Variants in TBC1D19 observed in about 807,000 individuals in gnomAD.
TBC1D19 encodes TBC1 domain family, member 19.
A neutral mutation model predicts 89.0 loss-of-function variants in TBC1D19; 60 were observed. The observed-to-expected ratio is 0.67, with a 90% CI of 0.55 to 0.84. The LOEUF (loss-of-function observed/expected upper bound fraction) is 0.84. TBC1D19 is among the 40% of genes least tolerant of loss of function. The pLI is 0.00. For missense variants in TBC1D19, 500 were observed against 610.8 expected, an observed-to-expected ratio of 0.82 and a Z score of 1.91; for synonymous variants, 189 against 199.7, an observed-to-expected ratio of 0.95 and a Z score of 0.45.
chr4:26,726,126 AACACACACACAC>A (rs56262902), intron 15 of TBC1D19, among the ~76,000 whole-genome samples: 7,394 of 127,150 alleles, frequency 0.058, 233 homozygotes, highest in East Asian at 0.098. Context: ...CAATTCTCCC[AACACACACACAC>A]ACACACACAC....
At chr4:26,833,915 TG>T in the TBC1D19 span, among the ~76,000 whole-genome samples, 1 of 152,220 alleles carries the variant, frequency 6.6e-6, no homozygotes, top group African/African-American at 2.4e-5. Flanking sequence ...GGTGGTGATA[TG>T]GTTTGGATCT....
At chr4:26,623,275 A>G (rs1742186366) in intron 4 of TBC1D19, among the ~76,000 whole-genome samples, 1 of 152,196 alleles carries the variant, frequency 6.6e-6, no homozygotes, top group Non-Finnish European at 1.5e-5. Context: ...TGACTACTTC[A>G]AGAGAAAATC....
chr4:26,642,206 G>T (rs1277116279), intron 7 of TBC1D19, among the ~76,000 whole-genome samples: 1 of 152,204 alleles, frequency 6.6e-6, no homozygotes. Flanking sequence ...ACAAAGGGAA[G>T]CCCATCAGAC....
chr4:26,604,148 C>CTTTTTTTTTTTT (rs1173641270), intron 1 of TBC1D19, among the ~76,000 whole-genome samples: 1 of 120,726 alleles, frequency 8.3e-6, no homozygotes, highest in African/African-American at 3.6e-5. Context: ...TTTTCTTTTT[C>CTTTTTTTTTTTT]TTTTTTTTTT....
At position 26,748,527 on chromosome 4, in the gene TBC1D19, G is replaced by A; in HGVS notation, c.1435+1G>A. ...TACAACTCTCTGGAAATTCTTGCTGGTAAGAGTAAATGCTTGTTTGTAGAA... is the reference window on the plus strand; with the variant it reads ...TACAACTCTCTGGAAATTCTTGCTGATAAGAGTAAATGCTTGTTTGTAGAA... On this transcript the variant is annotated splice_donor_variant, in intron 19 of 20. Transcript: ENST00000264866. LOFTEE classifies it high-confidence loss of function. The A allele has an allele frequency of 1.2e-6, 2 of 1,605,434 alleles. No individual in the cohort carries two copies. The highest frequency in any genetic ancestry group is 1.7e-6 in the Non-Finnish European group (2 of 1,172,924).
At chr4:26,681,560 A>G (rs1713349057) in intron 11 of TBC1D19, among the ~76,000 whole-genome samples, 1 of 151,908 alleles carries the variant, frequency 6.6e-6, no homozygotes, top group Non-Finnish European at 1.5e-5. Context: ...CAAAAAAAAT[A>G]TATATATATA....
intron 1 of TBC1D19, among the ~76,000 whole-genome samples, chr4:26,594,060 A>G (rs892984680): frequency 9.9e-5 from 15 of 152,228 alleles, no homozygotes; most frequent in African/African-American, 3.4e-4. Context: ...TCGCGGCACT[A>G]TTCACAATAG....
At chr4:26,642,579 A>C (rs1401941491) in intron 7 of TBC1D19, among the ~76,000 whole-genome samples, 2 of 152,232 alleles carry the variant, frequency 1.3e-5, no homozygotes, top group East Asian at 3.8e-4. Context: ...ACACATAACA[A>C]TATTAACCTT....
intron 13 of TBC1D19, among the ~76,000 whole-genome samples, chr4:26,704,929 A>G (rs1342374240): frequency 6.6e-6 from 1 of 152,114 alleles, no homozygotes; most frequent in Non-Finnish European, 1.5e-5. Flanking sequence ...CCAACATGTT[A>G]CTTTCTCTTT....
At chr4:26,665,097 G>T (rs1373611486) in intron 8 of TBC1D19, among the ~76,000 whole-genome samples, 3 of 152,104 alleles carry the variant, frequency 2.0e-5, no homozygotes. Flanking sequence ...TGGAAGGGGT[G>T]CCTTCGATGT....
the TBC1D19 span, among the ~76,000 whole-genome samples, chr4:26,809,401 A>G: frequency 6.6e-6 from 1 of 152,184 alleles, no homozygotes; most frequent in African/African-American, 2.4e-5. Flanking sequence ...GCAGGGCTGC[A>G]GTTTTCTACC....
intron 7 of TBC1D19, among the ~76,000 whole-genome samples, chr4:26,653,758 T>C (rs535844743): frequency 2.0e-5 from 3 of 152,184 alleles, no homozygotes; most frequent in Non-Finnish European, 4.4e-5. Flanking sequence ...ATTTTGAGCC[T>C]ATGTGTGTCT....
intron 1 of TBC1D19, among the ~76,000 whole-genome samples, chr4:26,595,202 C>A (rs987406035): frequency 4.6e-5 from 7 of 152,006 alleles, no homozygotes; most frequent in African/African-American, 1.7e-4. Flanking sequence ...ATTAAGTATC[C>A]TTTTATGTTT....
At chr4:26,791,514 G>A in the TBC1D19 span, among the ~76,000 whole-genome samples, 20 of 152,170 alleles carry the variant, frequency 1.3e-4, no homozygotes, top group Non-Finnish European at 1.5e-5. Context: ...CTGGTAGCTG[G>A]ACAACAGCCT....
rs569877390 is a variant in TBC1D19 at position 26,659,011 on chromosome 4, A to G, written c.481-586A>G. Reference sequence around the variant, plus strand: ...TGAGACGGTGGGGTTTTCTAAATATACAATCATGTAATCTGCAAACAGACA... The same window carrying G: ...TGAGACGGTGGGGTTTTCTAAATATGCAATCATGTAATCTGCAAACAGACA... On this transcript the variant is annotated intron_variant, in intron 7 of 20. Transcript: ENST00000264866. 5.3e-5 allele frequency among the ~76,000 whole-genome samples: 8 copies of G among 152,280 alleles called. 1 individual carries two copies. In the South Asian group the frequency reaches 1.7e-3, roughly 32 times the overall value.
chr4:26,727,903 A>G (rs1717410262), intron 15 of TBC1D19, among the ~76,000 whole-genome samples: 1 of 152,214 alleles, frequency 6.6e-6, no homozygotes, highest in East Asian at 1.9e-4. Context: ...TGCTGAAGAT[A>G]ATACACAGTA....
the TBC1D19 span, among the ~76,000 whole-genome samples, chr4:26,808,823 T>TAAGC: frequency 6.6e-6 from 1 of 151,766 alleles, no homozygotes; most frequent in South Asian, 2.1e-4. Context: ...AAGTACCAAC[T>TAAGC]AAGCTATTTC....
the TBC1D19 span, among the ~76,000 whole-genome samples, chr4:26,825,586 A>G: frequency 6.6e-6 from 1 of 152,208 alleles, no homozygotes; most frequent in Non-Finnish European, 1.5e-5. Context: ...ATTTGCTGCC[A>G]ATTTTCTCTA....
intron 1 of TBC1D19, among the ~76,000 whole-genome samples, chr4:26,587,595 A>G (rs1739494404): frequency 6.9e-6 from 1 of 144,898 alleles, no homozygotes; most frequent in Admixed American, 6.9e-5. Context: ...AAAAAAAAAG[A>G]TATTTCTTTG....
Sources: gnomAD v4.1 joint callset for allele counts (sites outside exome capture counted in the v4.1 genomes callset) on GRCh38, gnomAD v4.1.1 for gene constraint, MANE v1.5 for transcripts, NCBI Gene and HGNC (gene_info 2026-07-23, HGNC 2026-07-21) for gene names.